The following TGFBI variants were observed in gnomAD, a reference collection of about 807,000 sequenced individuals.
The protein encoded by TGFBI is transforming growth factor-beta-induced protein ig-h3.
In TGFBI, 50 loss-of-function variants were observed where a neutral mutation model predicts 73.7. The ratio of observed to expected loss-of-function variants is 0.68; its 90% CI spans 0.54 to 0.86. TGFBI has a LOEUF of 0.86. Among genes scored for constraint, TGFBI ranks in the 40% least tolerant of loss-of-function variants. The pLI is 0.00. For synonymous variants in TGFBI, 362 were observed against 360.5 expected, an observed-to-expected ratio of 1.00 and a Z score of -0.05; for missense variants, 839 against 877.0, an observed-to-expected ratio of 0.96 and a Z score of 0.55.
chr5:136,050,377 C>T (rs1040731841), intron 7 of TGFBI, among the ~76,000 whole-genome samples: 5 of 151,702 alleles, frequency 3.3e-5, no homozygotes, highest in African/African-American at 1.2e-4. Context: ...ACTTTTGACT[C>T]TCCATTTCAG....
In TGFBI at chr5:136,056,649, G is replaced by C. The variant is rs1751637071; in HGVS notation, c.1548-16G>C. 1.2e-6 allele frequency: 2 copies of C among 1,613,736 alleles called. No individual in the cohort carries two copies. The highest frequency in any genetic ancestry group is 4.5e-5 in the East Asian group (2 of 44,852). ...TACCTGTTGACAGGTGACATTTTCT[G>C]TGTGTGTATCTACAGCATGCTGGTA... On this transcript the variant is annotated splice_polypyrimidine_tract_variant and intron_variant, in intron 11 of 16. Coordinates refer to ENST00000442011, the MANE Select transcript of TGFBI (RefSeq NM_000358.3).
chr5:136,029,853 C>T (rs148772700), intron 1 of TGFBI, among the ~76,000 whole-genome samples: 311 of 152,324 alleles, frequency 2.0e-3, no homozygotes, highest in African/African-American at 2.6e-3. Context: ...TCCCACAGTC[C>T]TGAAGTGTGC....
intron 3 of TGFBI, among the ~76,000 whole-genome samples, chr5:136,044,430 C>T (rs541167506): frequency 2.6e-5 from 4 of 152,390 alleles, no homozygotes; most frequent in African/African-American, 9.6e-5. Flanking sequence ...GCCTCTGCCT[C>T]TGGCTGGGAG....
rs1302507971 is a variant in TGFBI, at chr5:136,049,684, C to A, written c.913+104C>A. ...ACATACCACCTGCCATGAGGTGACC[C>A]TCAGGATATCCACTGCAGCCATGGG... On this transcript the variant is annotated intron_variant, in intron 7 of 16. Transcript: ENST00000442011. The A allele has an allele frequency of 4.3e-6, 6 of 1,379,986 alleles. 1 individual carries two copies. Among genetic ancestry groups the A allele is most frequent in the Non-Finnish European group, 5.9e-6 (6 of 1,010,898 alleles). 85.5% of individuals were successfully genotyped at this position (1,379,986 alleles called of 1,614,324 possible).
chr5:136,053,846 T>C, intron 8 of TGFBI, 97 bp from the exon 9 acceptor site: 1 of 1,558,828 alleles, frequency 6.4e-7, no homozygotes. Context: ...ACTCACGAGA[T>C]GACATTCCTG....
chr5:136,062,686 A>G lies in TGFBI; in HGVS notation c.2010A>G (p.Leu670=). ...AGGCTTCCCAGAGGTCTGTGCGACT[A>G]GGTGAGTCTGGTCTGGGTTTGAAGT... ...FSRASQRSVR[L]APVYQKLLER... is the part of the protein sequence containing the mutation. The change falls in exon 16 of 17, where the codon CTA becomes CTG. Residue 670 remains leucine (L), a splice_region_variant and synonymous_variant. Transcript: ENST00000442011. 6.4e-7 allele frequency: 1 copy of G among 1,568,086 alleles called. No individual in the cohort carries two copies. Among genetic ancestry groups the G allele is most frequent in the Non-Finnish European group, 8.7e-7 (1 of 1,154,726 alleles).
chr5:136,038,376 T>C (rs928348018), intron 2 of TGFBI, among the ~76,000 whole-genome samples: 2 of 152,180 alleles, frequency 1.3e-5, no homozygotes, highest in African/African-American at 4.8e-5. Flanking sequence ...AGGGAGAGAT[T>C]ATCCAGGATT....
chr5:136,031,836 C>A (rs957464696), intron 1 of TGFBI, among the ~76,000 whole-genome samples: 28 of 152,182 alleles, frequency 1.8e-4, no homozygotes, highest in Admixed American at 7.2e-4. Flanking sequence ...AGCCCACCCA[C>A]ACTCCCCGAT....
At chr5:136,036,847 G>T (rs1176314777) in intron 2 of TGFBI, among the ~76,000 whole-genome samples, 1 of 152,208 alleles carries the variant, frequency 6.6e-6, no homozygotes, top group Non-Finnish European at 1.5e-5. Context: ...GAGCAGAGGT[G>T]TATGTTGGGA....
At chr5:136,041,236 G>C (rs1751333483) in intron 2 of TGFBI, among the ~76,000 whole-genome samples, 1 of 152,232 alleles carries the variant, frequency 6.6e-6, no homozygotes, top group African/African-American at 2.4e-5. Context: ...AGGATTAAGA[G>C]AGAGCTTCCT....
At position 136,056,807 on chromosome 5, in the gene TGFBI, C is replaced by T. The variant is rs1452618799; in HGVS notation, c.1678+12C>T. On this transcript the variant is annotated intron_variant, in intron 12 of 16. Coordinates refer to ENST00000442011, the MANE Select transcript of TGFBI (RefSeq NM_000358.3). ...GAGCAGACTCTTGGGTAAAGACCAACTTAAGTACACGTCTCCATTTTTCTA... is the reference window on the plus strand; with the variant it reads ...GAGCAGACTCTTGGGTAAAGACCAATTTAAGTACACGTCTCCATTTTTCTA... 3 of 1,607,680 alleles carry T rather than the reference C, an allele frequency of 1.9e-6. No homozygotes were observed. Among genetic ancestry groups the T allele is most frequent in the Admixed American group, 1.7e-5 (1 of 58,714 alleles).
intron 12 of TGFBI, among the ~76,000 whole-genome samples, chr5:136,057,465 A>C (rs576744478): frequency 6.6e-6 from 1 of 152,208 alleles, no homozygotes; most frequent in African/African-American, 2.4e-5. Flanking sequence ...GCTAAGAAAA[A>C]TGAGGAAGGT....
intron 13 of TGFBI, among the ~76,000 whole-genome samples, chr5:136,060,518 C>A (rs750637066): frequency 1.3e-5 from 2 of 152,196 alleles, no homozygotes; most frequent in Non-Finnish European, 2.9e-5. Context: ...CAAGTCCAGC[C>A]TGGCCAACGT....
At chr5:136,052,073 G>T (rs868141652) in intron 7 of TGFBI, among the ~76,000 whole-genome samples, 1 of 152,230 alleles carries the variant, frequency 6.6e-6, no homozygotes, top group Non-Finnish European at 1.5e-5. Context: ...CTGGGGTTGG[G>T]GGGGGCTCCT....
intron 3 of TGFBI, among the ~76,000 whole-genome samples, chr5:136,045,044 G>T (rs553675633): frequency 5.5e-4 from 84 of 152,178 alleles, no homozygotes; most frequent in Non-Finnish European, 7.9e-4. Flanking sequence ...TCCATGTTTA[G>T]TTGAATCTGT....
At chr5:136,058,994 G>T in intron 12 of TGFBI, 96 bp from the exon 13 acceptor site, 1 of 1,475,584 alleles carries the variant, frequency 6.8e-7, no homozygotes, top group East Asian at 2.4e-5. Flanking sequence ...CTTCATTTCA[G>T]GGGTGACCAC....
rs986231295 is a variant in TGFBI, at chr5:136,054,009, C to A, written c.1193C>A (p.Ala398Asp). 1 of 1,613,924 alleles carries A rather than the reference C, an allele frequency of 6.2e-7. No homozygotes were observed. Among genetic ancestry groups the A allele is most frequent in the Non-Finnish European group, 8.5e-7 (1 of 1,179,908 alleles). The change falls in exon 9 of 17, where the codon GCC (alanine) becomes GAC (aspartate). Residue 398 changes from alanine to aspartate, a missense_variant. Physicochemically the swap from Ala to Asp is moderately radical, Grantham distance 126. Coordinates refer to ENST00000442011, the MANE Select transcript of TGFBI (RefSeq NM_000358.3). Reference protein sequence around the residue: ...VSTAIDLFRQAGLGNHLSGSE... With the variant: ...VSTAIDLFRQDGLGNHLSGSE... The stretch of plus-strand genomic sequence containing the variant: ...ACAGCCATTGACCTTTTCAGACAAG[C>A]CGGCCTCGGCAATCATCTCTCTGGA...
Position 136,049,420 on chromosome 5 carries a change from T to C in TGFBI, c.772-19T>C, listed in dbSNP as rs1275440057. ...GCCAGAGTCTTCAGGGAGCACTCCA[T>C]CTTCTCTCCTCCCCACAGGCTGCTG... On this transcript the variant is annotated intron_variant, in intron 6 of 16. Coordinates refer to ENST00000442011, the MANE Select transcript of TGFBI (RefSeq NM_000358.3). The C allele has an allele frequency of 1.2e-6, 2 of 1,612,458 alleles. No homozygotes were observed. Among genetic ancestry groups the C allele is most frequent in the Non-Finnish European group, 8.5e-7 (1 of 1,178,664 alleles).
At chr5:136,054,588 C>T in intron 9 of TGFBI, 128 bp from the exon 10 acceptor site, 1 of 1,198,044 alleles carries the variant, frequency 8.3e-7, no homozygotes, top group Admixed American at 1.7e-5. Flanking sequence ...TTGGCAGCTT[C>T]ACTTGGTTTC....
Sources: gnomAD v4.1 joint callset for allele counts (sites outside exome capture counted in the v4.1 genomes callset) on GRCh38, gnomAD v4.1.1 for gene constraint, MANE v1.5 for transcripts, NCBI Gene and HGNC (gene_info 2026-07-23, HGNC 2026-07-21) for gene names.